Variants in NEBL observed in about 807,000 individuals in gnomAD.
NEBL encodes LIM and SH3 protein 2.
In NEBL, 122 loss-of-function variants were observed where a neutral mutation model predicts 140.2. The ratio of observed to expected loss-of-function variants is 0.87; its 90% CI spans 0.75 to 1.01. The LOEUF (loss-of-function observed/expected upper bound fraction) is 1.01, where lower values mean the gene tolerates loss of function less well. Ranked by LOEUF, NEBL falls within the 50% of genes least tolerant of loss-of-function variation. The probability of loss-of-function intolerance (pLI) is 0.00; values close to 1 mark genes in which losing one functional copy is unlikely to be tolerated. For missense variants in NEBL, 1,365 were observed against 1,231.3 expected (o/e 1.11, Z -1.62); for synonymous variants, 436 against 398.9 (o/e 1.09, Z -1.11).
At chr10:20,824,231 G>A (rs567182076) in intron 18 of NEBL, among the ~76,000 whole-genome samples, 23 of 152,260 alleles carry the variant, frequency 1.5e-4, no homozygotes, top group Non-Finnish European at 2.6e-4. Flanking sequence ...TTAAGAGGCC[G>A]TGTTGAAATT....
chr10:21,233,615 T>C (rs1466226741), intron 3 of NEBL, among the ~76,000 whole-genome samples: 1 of 145,712 alleles, frequency 6.9e-6, no homozygotes, highest in Non-Finnish European at 1.5e-5. Context: ...TATACATATA[T>C]AGATATATAT....
intron 26 of NEBL, among the ~76,000 whole-genome samples, chr10:20,798,364 G>T (rs1440815072): frequency 6.6e-6 from 1 of 152,178 alleles, no homozygotes; most frequent in Admixed American, 6.5e-5. Flanking sequence ...AGGGCTTAAT[G>T]TGGGGCACCT....
At chr10:20,890,780 C>A (rs1308205049) in intron 2 of NEBL, among the ~76,000 whole-genome samples, 1 of 152,198 alleles carries the variant, frequency 6.6e-6, no homozygotes, top group Non-Finnish European at 1.5e-5. Context: ...CAAAAGAAGT[C>A]AGGAAATGTG....
intron 2 of NEBL, among the ~76,000 whole-genome samples, chr10:21,153,990 T>C (rs554775716): frequency 1.3e-5 from 2 of 152,102 alleles, no homozygotes; most frequent in African/African-American, 4.8e-5. Context: ...AGACATGATA[T>C]ACATATTTTT....
chr10:20,919,448 C>T (rs1283117707), intron 4 of NEBL, among the ~76,000 whole-genome samples: 1 of 152,106 alleles, frequency 6.6e-6, no homozygotes. Flanking sequence ...GTCATGGTGA[C>T]TTTTAAAGTA....
At chr10:20,933,216 C>A (rs890550758) in intron 4 of NEBL, among the ~76,000 whole-genome samples, 4 of 152,184 alleles carry the variant, frequency 2.6e-5, no homozygotes, top group Non-Finnish European at 4.4e-5. Flanking sequence ...GACCCAAAAA[C>A]TAATTAAGCC....
chr10:20,885,885 A>C (rs1303409666), intron 4 of NEBL, among the ~76,000 whole-genome samples: 1 of 152,196 alleles, frequency 6.6e-6, no homozygotes, highest in Non-Finnish European at 1.5e-5. Context: ...CAGAACGTTG[A>C]CATCATATAT....
intron 1 of NEBL, among the ~76,000 whole-genome samples, chr10:21,256,989 T>A (rs1842666511): frequency 6.6e-6 from 1 of 152,238 alleles, no homozygotes; most frequent in South Asian, 2.1e-4. Flanking sequence ...CCCACTGCCA[T>A]GCTGGTAGCT....
intron 4 of NEBL, among the ~76,000 whole-genome samples, chr10:20,916,658 C>A (rs1159824236): frequency 2.0e-5 from 3 of 152,210 alleles, no homozygotes; most frequent in Non-Finnish European, 2.9e-5. Context: ...GATCCACCCA[C>A]CTCAGCCTCT....
At position 21,248,841 on chromosome 10, in the gene NEBL, GT is replaced by G. The variant is rs375256840; in HGVS notation, n.280-853del. The stretch of plus-strand genomic sequence containing the variant: ...GCCAATCTTTGTTGTTTTCTGTTTT[GT>G]TTTTTTTTTTGACAATAGACATCCC... On this transcript the variant is annotated intron_variant and non_coding_transcript_variant, in intron 2 of 8. Transcript: ENST00000675702. 8.4e-3 allele frequency among the ~76,000 whole-genome samples: 1,200 copies of G among 143,498 alleles called. 7 individuals carry two copies. The highest frequency in any genetic ancestry group is 0.011 in the Middle Eastern group (3 of 276). 94.1% of individuals were successfully genotyped at this position (143,498 alleles called of 152,430 possible).
At chr10:21,242,923 G>A (rs1489349637) in intron 3 of NEBL, among the ~76,000 whole-genome samples, 2 of 152,152 alleles carry the variant, frequency 1.3e-5, no homozygotes, top group African/African-American at 4.8e-5. Flanking sequence ...AAGCCACAAT[G>A]AGCCCCAAGC....
intron 2 of NEBL, among the ~76,000 whole-genome samples, chr10:21,151,894 T>C (rs1840153648): frequency 6.6e-6 from 1 of 152,352 alleles, no homozygotes; most frequent in Admixed American, 6.5e-5. Flanking sequence ...GTTTCTAATA[T>C]TTTACTGATT....
upstream of NEBL, among the ~76,000 whole-genome samples, chr10:20,901,834 A>G (rs938792675): frequency 6.6e-6 from 1 of 152,168 alleles, no homozygotes; most frequent in African/African-American, 2.4e-5. Context: ...CTATTTACTC[A>G]GTAACTGGTA....
intron 3 of NEBL, among the ~76,000 whole-genome samples, chr10:21,213,665 G>C (rs1841949296): frequency 1.3e-5 from 2 of 152,196 alleles, no homozygotes; most frequent in African/African-American, 4.8e-5. Context: ...GGCCTGGGGC[G>C]ACCTGGGCTT....
At chr10:21,288,756 T>G in intron 1 of NEBL, among the ~76,000 whole-genome samples, 1 of 54,314 alleles carries the variant, frequency 1.8e-5, no homozygotes, top group Non-Finnish European at 3.5e-5. Context: ...CGAGACTCCA[T>G]CGCCAAAAAA....
upstream of NEBL, chr10:20,899,530 A>T: frequency 2.8e-6 from 2 of 727,152 alleles, no homozygotes; most frequent in Non-Finnish European, 3.9e-6. Context: ...ATGTGAACAC[A>T]AATTTTCCAT....
At chr10:21,092,124 T>G (rs1316962976) in intron 2 of NEBL, among the ~76,000 whole-genome samples, 2 of 152,236 alleles carry the variant, frequency 1.3e-5, no homozygotes, top group Non-Finnish European at 2.9e-5. Context: ...CTTCATCAAG[T>G]TGTCCAAAGA....
chr10:21,166,443 TC>T (rs1779931705), intron 2 of NEBL, among the ~76,000 whole-genome samples: 1 of 152,124 alleles, frequency 6.6e-6, no homozygotes, highest in Non-Finnish European at 1.5e-5. Context: ...GCGAAAAACT[TC>T]GGTATAAACC....
intron 4 of NEBL, among the ~76,000 whole-genome samples, chr10:20,941,772 C>G (rs1768584898): frequency 6.6e-6 from 1 of 152,068 alleles, no homozygotes; most frequent in Non-Finnish European, 1.5e-5. Flanking sequence ...GCAAAAATCA[C>G]AAGCATTCTT....
Sources: gnomAD v4.1 joint callset for allele counts (sites outside exome capture counted in the v4.1 genomes callset) on GRCh38, gnomAD v4.1.1 for gene constraint, MANE v1.5 for transcripts, NCBI Gene and HGNC (gene_info 2026-07-23, HGNC 2026-07-21) for gene names.